FBXW2: variants seen among roughly 807,000 people sequenced by gnomAD.
FBXW2 encodes the protein F-box/WD repeat-containing protein 2.
FBXW2 carries 12 observed loss-of-function variants against 46.0 expected under a neutral mutation model. That is an observed-to-expected ratio of 0.26 (90% CI 0.17 to 0.42). The LOEUF (loss-of-function observed/expected upper bound fraction) is 0.42, where lower values mean the gene tolerates loss of function less well. Ranked by LOEUF, FBXW2 falls within the 10% of genes least tolerant of loss-of-function variation. The pLI is 1.00. For synonymous variants in FBXW2, 203 were observed against 209.6 expected (o/e 0.97, Z 0.27); for missense variants, 360 against 537.0 (o/e 0.67, Z 3.26).
chr9:120,786,470 T>C (rs974128962), intron 3 of FBXW2, among the ~76,000 whole-genome samples: 2 of 152,238 alleles, frequency 1.3e-5, no homozygotes, highest in African/African-American at 4.8e-5. Flanking sequence ...TCCCCAGCCA[T>C]GTGGAACTAG....
At chr9:120,771,553 C>G (rs765672694) in intron 6 of FBXW2, 36 bp from the exon 7 acceptor site, 1 of 1,561,862 alleles carries the variant, frequency 6.4e-7, no homozygotes, top group Non-Finnish European at 8.7e-7. Flanking sequence ...GATGAGAGAT[C>G]ACATCACTAC....
At chr9:120,791,597 G>C (rs1418232911) in intron 2 of FBXW2, among the ~76,000 whole-genome samples, 2 of 152,134 alleles carry the variant, frequency 1.3e-5, no homozygotes, top group Non-Finnish European at 2.9e-5. Context: ...ATGAACACCT[G>C]GCAGTAAAGA....
At chr9:120,786,556 T>C (rs1259140526) in intron 3 of FBXW2, among the ~76,000 whole-genome samples, 3 of 152,232 alleles carry the variant, frequency 2.0e-5, no homozygotes, top group Non-Finnish European at 4.4e-5. Context: ...AATGGACTAA[T>C]ATATGCATTA....
chr9:120,774,892 TTA>T (rs1426350742), intron 5 of FBXW2, among the ~76,000 whole-genome samples: 2 of 152,186 alleles, frequency 1.3e-5, no homozygotes, highest in African/African-American at 4.8e-5. Flanking sequence ...CTCCACTGGC[TTA>T]TGTCCAGGTC....
intron 2 of FBXW2, chr9:120,792,844 T>G: frequency 7.1e-7 from 1 of 1,411,550 alleles, no homozygotes. Flanking sequence ...AGCATTAATA[T>G]TGTTATCTTT....
At chr9:120,772,479 C>G (rs1436565467) in intron 6 of FBXW2, among the ~76,000 whole-genome samples, 1 of 137,726 alleles carries the variant, frequency 7.3e-6, no homozygotes, top group African/African-American at 2.7e-5. Context: ...GGCAACAGAG[C>G]GAGACTGTCT....
chr9:120,764,544 T>C lies in FBXW2; in HGVS notation c.*15A>G, dbSNP rs766357028. On this transcript the variant is annotated 3_prime_UTR_variant, in exon 8 of 8. Transcript: ENST00000608872. ...CCCGGCACCCAAAGTCAGTCAGCGG[T>C]GGTGGCTCATGGTGTCAGCCGTGCT... 1 of 1,600,906 alleles carries C rather than the reference T, an allele frequency of 6.2e-7. No individual in the cohort carries two copies. The highest frequency in any genetic ancestry group is 8.6e-7 in the Non-Finnish European group (1 of 1,169,360).
Position 120,781,198 on chromosome 9 carries a change from T to C in FBXW2, c.491-2653A>G, listed in dbSNP as rs140349191. Among the ~76,000 whole-genome samples, 837 of 152,348 alleles carry C rather than the reference T, an allele frequency of 5.5e-3. 11 individuals carry two copies. The highest frequency in any genetic ancestry group is 0.019 in the African/African-American group (789 of 41,570). On this transcript the variant is annotated intron_variant, in intron 3 of 7. Transcript: ENST00000608872. ...TTGACCTATTGAGTTGCAATTACTC[T>C]CTTCTGCTGGATTTGGCCCACAGTC...
intron 4 of FBXW2, 73 bp downstream of exon 4, chr9:120,778,278 A>G: frequency 7.6e-7 from 1 of 1,312,458 alleles, no homozygotes; most frequent in Non-Finnish European, 1.0e-6. Flanking sequence ...AAAAAAAAGC[A>G]TTTCACATTC....
At position 120,757,655 on chromosome 9, in the gene FBXW2, G is replaced by A. The variant is rs560060865; in HGVS notation, c.*6904C>T. 12 of 152,260 alleles carry A rather than the reference G, an allele frequency of 7.9e-5. No homozygotes were observed. The highest frequency in any genetic ancestry group is 3.9e-4 in the East Asian group (2 of 5,190). The allele number at this position is 152,260 out of a possible 1,614,324, so 9.4% of individuals were successfully genotyped here. On this transcript the variant is annotated 3_prime_UTR_variant, in exon 8 of 8. Coordinates refer to ENST00000608872, the MANE Select transcript of FBXW2 (RefSeq NM_012164.4). ...GGATTAGAAGAGAGTATTAAAAATC[G>A]TAATGATAAAGGAGCTCTGGGTAAT...
intron 7 of FBXW2, 29 bp downstream of exon 7, chr9:120,771,319 G>T: frequency 6.3e-7 from 1 of 1,584,154 alleles, no homozygotes. Context: ...GCTTTCAAAG[G>T]TAAAGCGTGA....
chr9:120,771,144 TA>T (rs1354008716), intron 7 of FBXW2, among the ~76,000 whole-genome samples: 1 of 152,204 alleles, frequency 6.6e-6, no homozygotes, highest in Non-Finnish European at 1.5e-5. Context: ...TTCCAGTACG[TA>T]ACTCTTTTTC....
chr9:120,784,782 G>T (rs555356490), intron 3 of FBXW2, among the ~76,000 whole-genome samples: 1 of 151,752 alleles, frequency 6.6e-6, no homozygotes, highest in Non-Finnish European at 1.5e-5. Flanking sequence ...TAGCCGGGCT[G>T]TGGTGGCGCG....
chr9:120,792,821 A>T, intron 2 of FBXW2: 2 of 1,300,400 alleles, frequency 1.5e-6, no homozygotes, highest in South Asian at 2.5e-5. Flanking sequence ...AATGTCAGTT[A>T]CCATTATTAC....
At chr9:120,772,684 T>C in intron 6 of FBXW2, 70 bp downstream of exon 6, 1 of 1,039,928 alleles carries the variant, frequency 9.6e-7, no homozygotes, top group Non-Finnish European at 1.4e-6. Flanking sequence ...CCCTTTGCCA[T>C]ACCACTTTCA....
chr9:120,787,193 T>TA lies in FBXW2; in HGVS notation c.490+575dup, dbSNP rs2044741285. ...ATAGGCGCATGCCGCCACGCCCGGCTACTTTTTCGTATTTCAGTAGAGACG... is the reference window on the plus strand; with the variant it reads ...ATAGGCGCATGCCGCCACGCCCGGCTAACTTTTTCGTATTTCAGTAGAGACG... On this transcript the variant is annotated intron_variant, in intron 3 of 7. Transcript: ENST00000608872. Among the ~76,000 whole-genome samples the TA allele has an allele frequency of 2.0e-5, 3 of 152,336 alleles. No homozygotes were observed. In the South Asian group the frequency reaches 6.2e-4, roughly 32 times the overall value.
chr9:120,793,089 C>G (rs1340103770), intron 2 of FBXW2, 60 bp downstream of exon 2: 1 of 814,776 alleles, frequency 1.2e-6, no homozygotes, highest in Non-Finnish European at 2.0e-6. Context: ...CAGATCCCAT[C>G]AACCCATTCG....
Position 120,787,887 on chromosome 9 carries a change from C to A in FBXW2, c.372G>T (p.Leu124Phe). The A allele has an allele frequency of 6.2e-7, 1 of 1,614,178 alleles. No homozygotes were observed. Among genetic ancestry groups the A allele is most frequent in the South Asian group, 1.1e-5 (1 of 91,084 alleles). ...GTTGCTTCATTCTCAAAATAGCCTT[C>A]AAATAAACCTTCTTCCAGTGCAAAG... ...QDALHWKKVY[L>F]KAILRMKQLE... Residue 124 changes from leucine (L) to phenylalanine (F), a missense_variant, in exon 3 of 8, where the codon TTG becomes TTT. Transcript: ENST00000608872.
chr9:120,770,269 G>A (rs1422644200), intron 7 of FBXW2, among the ~76,000 whole-genome samples: 11 of 151,914 alleles, frequency 7.2e-5, no homozygotes, highest in Non-Finnish European at 1.5e-4. Flanking sequence ...CCAGCTACTC[G>A]GGAGGCTGGG....
Sources: gnomAD v4.1 joint callset for allele counts (sites outside exome capture counted in the v4.1 genomes callset) on GRCh38, gnomAD v4.1.1 for gene constraint, MANE v1.5 for transcripts, NCBI Gene and HGNC (gene_info 2026-07-23, HGNC 2026-07-21) for gene names.